The following RNGTT variants were observed in gnomAD, a reference collection of about 807,000 sequenced individuals.
RNGTT encodes mRNA-capping enzyme.
RNGTT carries 33 observed loss-of-function variants against 79.3 expected under a neutral mutation model. The observed-to-expected ratio is 0.42, with a 90% CI of 0.32 to 0.56. RNGTT has a LOEUF of 0.56. RNGTT is among the 20% of genes least tolerant of loss of function. The pLI is 0.17. For missense variants in RNGTT, 497 were observed against 739.1 expected (o/e 0.67, Z 3.80); for synonymous variants, 222 against 235.9 (o/e 0.94, Z 0.54).
At chr6:88,893,968 T>C (rs1234922861) in intron 6 of RNGTT, among the ~76,000 whole-genome samples, 1 of 152,208 alleles carries the variant, frequency 6.6e-6, no homozygotes, top group African/African-American at 2.4e-5. Flanking sequence ...CTAATTTTTT[T>C]ATTTATTTCT....
intron 12 of RNGTT, among the ~76,000 whole-genome samples, chr6:88,771,350 T>C (rs6921641): frequency 0.19 from 21,607 of 116,270 alleles, 2,408 homozygotes; most frequent in Middle Eastern, 0.3. Context: ...TATATATATA[T>C]ACACACACAC....
chr6:88,633,617 T>G (rs1772987997), intron 14 of RNGTT, among the ~76,000 whole-genome samples: 1 of 152,176 alleles, frequency 6.6e-6, no homozygotes, highest in South Asian at 2.1e-4. Flanking sequence ...CAGTAAGTGC[T>G]CAACTAAAAT....
At chr6:88,684,398 T>C (rs1582326293) in intron 13 of RNGTT, among the ~76,000 whole-genome samples, 4 of 152,286 alleles carry the variant, frequency 2.6e-5, no homozygotes, top group Admixed American at 2.0e-4. Flanking sequence ...CTCAAATAAA[T>C]AGAAAATGTA....
intron 12 of RNGTT, among the ~76,000 whole-genome samples, chr6:88,775,160 T>C (rs142311567): frequency 1.3e-5 from 2 of 152,210 alleles, no homozygotes; most frequent in Non-Finnish European, 2.9e-5. Flanking sequence ...ATGTTTGATA[T>C]ACACAGTGAA....
chr6:88,813,512 A>T (rs546887968), intron 11 of RNGTT, among the ~76,000 whole-genome samples: 2 of 152,258 alleles, frequency 1.3e-5, no homozygotes, highest in African/African-American at 4.8e-5. Context: ...CCAAAAACTC[A>T]AGTGTCATAG....
At chr6:88,831,981 G>C (rs765554928) in intron 11 of RNGTT, among the ~76,000 whole-genome samples, 2 of 152,190 alleles carry the variant, frequency 1.3e-5, no homozygotes, top group Non-Finnish European at 2.9e-5. Context: ...TCACAGATAG[G>C]AAGAATCAAT....
In RNGTT at chr6:88,840,277, T is replaced by C. The variant is rs112926939; in HGVS notation, c.1269+4080A>G. Reference sequence around the variant, plus strand: ...TGCCAATTCTGCTATAAAGTGTGTTTTCCTTTTGTATTCTACAACCGAAAA... The same window carrying C: ...TGCCAATTCTGCTATAAAGTGTGTTCTCCTTTTGTATTCTACAACCGAAAA... On this transcript the variant is annotated intron_variant, in intron 11 of 15. Coordinates refer to ENST00000369485, the MANE Select transcript of RNGTT (RefSeq NM_003800.5). 3.1e-3 allele frequency among the ~76,000 whole-genome samples: 472 copies of C among 152,296 alleles called. 9 individuals are homozygous for C. The highest frequency in any genetic ancestry group is 0.011 in the African/African-American group (458 of 41,580).
At chr6:88,790,307 G>A (rs1207936475) in intron 12 of RNGTT, among the ~76,000 whole-genome samples, 1 of 152,172 alleles carries the variant, frequency 6.6e-6, no homozygotes, top group African/African-American at 2.4e-5. Context: ...ATAAAACAAG[G>A]AGACCAGGGA....
intron 11 of RNGTT, among the ~76,000 whole-genome samples, chr6:88,802,299 C>G (rs10944410): frequency 0.014 from 2,197 of 151,720 alleles, 51 homozygotes; most frequent in African/African-American, 0.05. Context: ...TTATATTTTT[C>G]CAAGCAGAGA....
At chr6:88,851,376 G>A (rs1462688366) in intron 9 of RNGTT, among the ~76,000 whole-genome samples, 2 of 151,696 alleles carry the variant, frequency 1.3e-5, no homozygotes, top group Non-Finnish European at 2.9e-5. Context: ...AATATAAAAT[G>A]TCATCTCTTG....
At chr6:88,619,654 ATAGAGT>A (rs145564777) in intron 14 of RNGTT, among the ~76,000 whole-genome samples, 5,079 of 152,304 alleles carry the variant, frequency 0.033, 264 homozygotes, top group African/African-American at 0.11. Context: ...ATTTTTGTAC[ATAGAGT>A]TAAACTAAAT....
At chr6:88,873,638 C>A (rs1466076196) in intron 8 of RNGTT, among the ~76,000 whole-genome samples, 3 of 152,124 alleles carry the variant, frequency 2.0e-5, no homozygotes, top group African/African-American at 4.8e-5. Flanking sequence ...CCATCTCTAA[C>A]TGGTGAAATT....
intron 10 of RNGTT, among the ~76,000 whole-genome samples, chr6:88,846,001 A>T (rs1287399522): frequency 1.6e-5 from 2 of 125,182 alleles, no homozygotes; most frequent in African/African-American, 3.5e-5. Context: ...TTTATGTTCT[A>T]AAAAAAAAAA....
intron 13 of RNGTT, among the ~76,000 whole-genome samples, chr6:88,694,129 G>C (rs1301169719): frequency 6.6e-6 from 1 of 152,048 alleles, no homozygotes; most frequent in Admixed American, 6.6e-5. Context: ...AGAAAGAAAA[G>C]GCATCCAAAT....
intron 13 of RNGTT, among the ~76,000 whole-genome samples, chr6:88,694,583 G>GA (rs891151857): frequency 4.6e-5 from 7 of 151,152 alleles, no homozygotes; most frequent in African/African-American, 7.3e-5. Context: ...CACAAAAATA[G>GA]AAAAAAAAAT....
chr6:88,909,082 G>A (rs1183915257), intron 4 of RNGTT, among the ~76,000 whole-genome samples: 1 of 152,322 alleles, frequency 6.6e-6, no homozygotes, highest in East Asian at 1.9e-4. Flanking sequence ...GAAGAGTGTG[G>A]CATGGAAACT....
intron 11 of RNGTT, among the ~76,000 whole-genome samples, chr6:88,813,944 T>C (rs1310486665): frequency 6.6e-6 from 1 of 152,152 alleles, no homozygotes; most frequent in African/African-American, 2.4e-5. Context: ...CACAGTAAGC[T>C]CTCACTTAAC....
intron 4 of RNGTT, among the ~76,000 whole-genome samples, chr6:88,913,999 C>A (rs1783917666): frequency 6.6e-6 from 1 of 152,054 alleles, no homozygotes. Context: ...GATGTTCAAC[C>A]TGAGAGCCAA....
chr6:88,914,389 C>T (rs1173894206), intron 4 of RNGTT, among the ~76,000 whole-genome samples: 1 of 151,898 alleles, frequency 6.6e-6, no homozygotes, highest in Non-Finnish European at 1.5e-5. Flanking sequence ...GCAAACTATG[C>T]TAATAAGGCT....
Sources: allele counts gnomAD v4.1 joint callset (sites outside exome capture counted in the v4.1 genomes callset), GRCh38; gene constraint gnomAD v4.1.1; transcripts MANE v1.5; gene names NCBI Gene and HGNC (gene_info 2026-07-23, HGNC 2026-07-21).